The following HEATR5B variants were observed in gnomAD, a reference collection of about 807,000 sequenced individuals.
HEATR5B encodes HEAT repeat-containing protein 5B.
A neutral mutation model predicts 224.1 loss-of-function variants in HEATR5B; 156 were observed. That is an observed-to-expected ratio of 0.70 (90% CI 0.61 to 0.80). HEATR5B has a LOEUF of 0.80. Among genes scored for constraint, HEATR5B ranks in the 30% least tolerant of loss-of-function variants. HEATR5B has a pLI of 0.00. For missense variants in HEATR5B, 2,323 were observed against 2,535.5 expected (o/e 0.92, Z 1.80); for synonymous variants, 1,027 against 893.0 (o/e 1.15, Z -2.68).
chr2:37,075,028 A>G (rs1025263005), intron 5 of HEATR5B, among the ~76,000 whole-genome samples: 14 of 152,234 alleles, frequency 9.2e-5, no homozygotes, highest in Non-Finnish European at 2.1e-4. Context: ...CGTTAAACTA[A>G]ATCTGCCCTA....
At chr2:36,988,884 A>G (rs764797044) in intron 34 of HEATR5B, 25 bp from the exon 35 acceptor site, 1 of 1,514,638 alleles carries the variant, frequency 6.6e-7, no homozygotes, top group Non-Finnish European at 9.2e-7. Context: ...CATATTATCA[A>G]TTAACATGTG....
chr2:37,003,968 A>G (rs1194610576), intron 30 of HEATR5B, among the ~76,000 whole-genome samples: 1 of 152,210 alleles, frequency 6.6e-6, no homozygotes, highest in Non-Finnish European at 1.5e-5. Context: ...AATTGAGCTA[A>G]ATAGTATTGT....
chr2:37,065,013 A>C, intron 9 of HEATR5B, 23 bp from the exon 10 acceptor site: 1 of 1,607,888 alleles, frequency 6.2e-7, no homozygotes, highest in Non-Finnish European at 8.5e-7. Flanking sequence ...TACTCAAAAT[A>C]TTACTCTTTA....
chr2:37,048,437 AG>A (rs1161327096), intron 18 of HEATR5B, among the ~76,000 whole-genome samples: 1 of 152,052 alleles, frequency 6.6e-6, no homozygotes, highest in Non-Finnish European at 1.5e-5. Context: ...CACCCACCTC[AG>A]GCTCCCAAAG....
chr2:36,993,839 A>G (rs1007223192), intron 33 of HEATR5B, among the ~76,000 whole-genome samples: 17 of 150,864 alleles, frequency 1.1e-4, no homozygotes, highest in African/African-American at 3.7e-4. Flanking sequence ...AAAAAAAAAA[A>G]TTAGACAATT....
chr2:37,015,521 C>T, intron 26 of HEATR5B, among the ~76,000 whole-genome samples: 1 of 152,158 alleles, frequency 6.6e-6, no homozygotes, highest in East Asian at 1.9e-4. Flanking sequence ...AACTAATTAG[C>T]TATTTTAGGG....
chr2:37,064,266 T>C (rs1572920828), intron 10 of HEATR5B, among the ~76,000 whole-genome samples: 2 of 150,544 alleles, frequency 1.3e-5, no homozygotes, highest in Non-Finnish European at 3.0e-5. Context: ...ATAATTACTA[T>C]ATCTAAGGTT....
At chr2:36,991,063 G>A (rs1238171424) in intron 33 of HEATR5B, among the ~76,000 whole-genome samples, 2 of 152,088 alleles carry the variant, frequency 1.3e-5, no homozygotes, top group Non-Finnish European at 2.9e-5. Flanking sequence ...ATCTAATACA[G>A]TCCACAGACA....
At chr2:37,066,849 G>A (rs939287924) in intron 8 of HEATR5B, among the ~76,000 whole-genome samples, 13 of 151,940 alleles carry the variant, frequency 8.6e-5, no homozygotes, top group African/African-American at 3.1e-4. Context: ...GGATATAATG[G>A]ATTAATAAAT....
intron 27 of HEATR5B, 122 bp from the exon 28 acceptor site, chr2:37,008,970 T>G: frequency 1.3e-6 from 1 of 779,406 alleles, no homozygotes; most frequent in Non-Finnish European, 2.1e-6. Flanking sequence ...TTAGAAAGTA[T>G]ACACTTTGGC....
intron 35 of HEATR5B, among the ~76,000 whole-genome samples, chr2:36,988,404 A>C (rs892049838): frequency 6.6e-6 from 1 of 152,050 alleles, no homozygotes; most frequent in Non-Finnish European, 1.5e-5. Context: ...CTGGGACAGC[A>C]GGTGTGCGCC....
chr2:37,073,499 C>T (rs1402595467), intron 5 of HEATR5B, among the ~76,000 whole-genome samples: 1 of 152,170 alleles, frequency 6.6e-6, no homozygotes, highest in Admixed American at 6.5e-5. Context: ...CCGTCTCAGC[C>T]TCCCAAAGTG....
intron 25 of HEATR5B, 117 bp from the exon 26 acceptor site, chr2:37,019,994 C>T (rs56356006): frequency 1.2e-5 from 8 of 648,444 alleles, no homozygotes; most frequent in Admixed American, 2.8e-5. Context: ...ACCTCTGCCT[C>T]GTAGGCTCAA....
chr2:37,006,076 CATT>C (rs1667396487), intron 29 of HEATR5B, among the ~76,000 whole-genome samples: 1 of 152,138 alleles, frequency 6.6e-6, no homozygotes, highest in Non-Finnish European at 1.5e-5. Flanking sequence ...AATTTACAAA[CATT>C]ATAAAATTGT....
At chr2:37,017,330 G>A (rs773277673) in intron 26 of HEATR5B, among the ~76,000 whole-genome samples, 31 of 151,690 alleles carry the variant, frequency 2.0e-4, no homozygotes, top group Non-Finnish European at 3.8e-4. Context: ...GAGGCGGAGG[G>A]TGCAGTGAGC....
intron 24 of HEATR5B, among the ~76,000 whole-genome samples, chr2:37,021,788 G>A (rs1355426416): frequency 3.3e-5 from 5 of 151,620 alleles, no homozygotes; most frequent in African/African-American, 9.7e-5. Context: ...TCAGGGGGCT[G>A]AGGTAGGAGG....
intron 7 of HEATR5B, 32 bp from the exon 8 acceptor site, chr2:37,068,962 C>T: frequency 6.3e-7 from 1 of 1,595,922 alleles, no homozygotes; most frequent in Non-Finnish European, 8.6e-7. Flanking sequence ...ACTTCAGATA[C>T]ACTTACATAA....
rs1176714524 is a variant in HEATR5B at position 37,049,744 on chromosome 2, G to A, written c.2605C>T (p.Arg869Cys). ...GPLDNPNPIL[R>C]CAAGEALGRM... Reference sequence around the variant, plus strand: ...CCAAGAGCTTCCCCCGCTGCACAACGTAAGATGGGGTTTGGGTTGTCCAGA... The same window carrying A: ...CCAAGAGCTTCCCCCGCTGCACAACATAAGATGGGGTTTGGGTTGTCCAGA... The change falls in exon 18 of 36, where the codon CGT (arginine) becomes TGT (cysteine). Residue 869 changes from arginine to cysteine, a missense_variant. Physicochemically the swap from Arg to Cys is radical, Grantham distance 180. Transcript: ENST00000233099. The A allele has an allele frequency of 1.2e-6, 2 of 1,611,540 alleles. No homozygotes were observed. Among genetic ancestry groups the A allele is most frequent in the East Asian group, 2.2e-5 (1 of 44,498 alleles).
At chr2:37,045,707 T>A (rs540250922) in intron 18 of HEATR5B, among the ~76,000 whole-genome samples, 1 of 152,310 alleles carries the variant, frequency 6.6e-6, no homozygotes, top group East Asian at 1.9e-4. Flanking sequence ...TATTCCACCC[T>A]ACACATTCTA....
Sources: gnomAD v4.1 joint callset for allele counts (sites outside exome capture counted in the v4.1 genomes callset) on GRCh38, gnomAD v4.1.1 for gene constraint, MANE v1.5 for transcripts, NCBI Gene and HGNC (gene_info 2026-07-23, HGNC 2026-07-21) for gene names.